Variants in SESN3 observed in about 807,000 individuals in gnomAD.
SESN3 encodes sestrin-3.
A neutral mutation model predicts 55.3 loss-of-function variants in SESN3; 21 were observed. The observed-to-expected ratio is 0.38, with a 90% CI of 0.27 to 0.55. The LOEUF (loss-of-function observed/expected upper bound fraction) is 0.55. Among genes scored for constraint, SESN3 ranks in the 20% least tolerant of loss-of-function variants. The probability of loss-of-function intolerance (pLI) is 0.76; values close to 1 mark genes in which losing one functional copy is unlikely to be tolerated. For missense variants in SESN3, 408 were observed against 604.3 expected (o/e 0.68, Z 3.41); for synonymous variants, 181 against 203.1 (o/e 0.89, Z 0.93).
chr11:95,175,883 A>G (rs569503), intron 8 of SESN3, among the ~76,000 whole-genome samples: 3 of 152,174 alleles, frequency 2.0e-5, no homozygotes, highest in Non-Finnish European at 4.4e-5. Context: ...TGAAGAAAAA[A>G]CGAAGAAAAA....
At chr11:95,200,950 G>A (rs571268289) in intron 1 of SESN3, 11 of 151,886 alleles carry the variant, frequency 7.2e-5, no homozygotes, top group Middle Eastern at 3.2e-3. Context: ...TTTGTAGGGC[G>A]GTCGGTCAGT....
Position 95,191,600 on chromosome 11 carries a change from A to G in SESN3, c.146T>C (p.Val49Ala). ...TTCATCCACTGTGTTTGCTTGGACA[A>G]CCTTATAACCAAAAAAAACAAAACA... ...GPSAFIPEKE[V>A]VQANTVDERT... The change falls in exon 3 of 10, where the codon GTT (valine) becomes GCT (alanine). Residue 49 changes from valine (V) to alanine (A), a missense_variant and splice_region_variant. Val to Ala is a moderately conservative substitution (Grantham distance 64). This residue lies in a region of SESN3 where 107 missense variants were observed against 211.3 expected (regional missense o/e 0.51). Coordinates refer to ENST00000536441, the MANE Select transcript of SESN3 (RefSeq NM_144665.4). 1 of 1,610,258 alleles carries G rather than the reference A, an allele frequency of 6.2e-7. No individual in the cohort carries two copies. The highest frequency in any genetic ancestry group is 8.5e-7 in the Non-Finnish European group (1 of 1,178,132).
At chr11:95,191,287 C>T in intron 3 of SESN3, 117 bp downstream of exon 3, 1 of 810,470 alleles carries the variant, frequency 1.2e-6, no homozygotes, top group East Asian at 2.4e-5. Flanking sequence ...TTCTTCAGTT[C>T]TTATGTCCAT....
chr11:95,209,325 C>T (rs963972582), intron 1 of SESN3, among the ~76,000 whole-genome samples: 4 of 151,458 alleles, frequency 2.6e-5, no homozygotes, highest in Non-Finnish European at 5.9e-5. Context: ...AAAAGCTCAT[C>T]ATCACTGGTC....
intron 4 of SESN3, among the ~76,000 whole-genome samples, chr11:95,187,823 A>G (rs1178085640): frequency 1.3e-5 from 2 of 151,714 alleles, no homozygotes; most frequent in Non-Finnish European, 2.9e-5. Flanking sequence ...TAGTAAGTGG[A>G]CATCACTTTG....
intron 1 of SESN3, among the ~76,000 whole-genome samples, chr11:95,198,359 AAG>A (rs1160012381): frequency 1.3e-5 from 2 of 151,746 alleles, no homozygotes; most frequent in Non-Finnish European, 2.9e-5. Context: ...AAAAAAAAAA[AAG>A]AACCCAAAAC....
intron 1 of SESN3, among the ~76,000 whole-genome samples, chr11:95,225,138 G>C (rs1860925714): frequency 6.6e-6 from 1 of 152,148 alleles, no homozygotes; most frequent in African/African-American, 2.4e-5. Flanking sequence ...ATAACGGTTT[G>C]GTGCCACTAA....
rs1859940161 is a variant in SESN3 at position 95,175,530 on chromosome 11, T to G, written c.1360A>C (p.Ser454Arg). The G allele has an allele frequency of 6.2e-7, 1 of 1,613,898 alleles. No homozygotes were observed. Residue 454 changes from serine to arginine, a missense_variant, in exon 9 of 10, where the codon AGT becomes CGT. Around this residue, in one of 4 missense-constraint regions of SESN3, gnomAD observed 121 missense variants for 204.9 expected, o/e 0.59. Transcript: ENST00000536441. The part of the protein sequence containing the change: ...PERTTKRMYD[S>R]YWRQFKHSEK... Reference sequence around the variant, plus strand: ...GAGTGTTTGAACTGCCGCCAGTAACTATCATACATGCGTTTTGTAGTTCTC... The same window carrying G: ...GAGTGTTTGAACTGCCGCCAGTAACGATCATACATGCGTTTTGTAGTTCTC...
chr11:95,216,801 T>G (rs1051210920), intron 1 of SESN3, among the ~76,000 whole-genome samples: 4 of 151,778 alleles, frequency 2.6e-5, no homozygotes, highest in African/African-American at 9.7e-5. Context: ...TTTAAAAGTT[T>G]AACATCAATT....
At chr11:95,182,466 C>T (rs1860074807) in intron 6 of SESN3, among the ~76,000 whole-genome samples, 1 of 152,126 alleles carries the variant, frequency 6.6e-6, no homozygotes, top group African/African-American at 2.4e-5. Context: ...CCCATCTCTT[C>T]TACCCTTTGT....
chr11:95,202,937 ATGAAAAGAAAC>A (rs1860485350), intron 1 of SESN3, among the ~76,000 whole-genome samples: 1 of 152,132 alleles, frequency 6.6e-6, no homozygotes, highest in African/African-American at 2.4e-5. Flanking sequence ...TCTCAATTAG[ATGAAAAGAAAC>A]TAAAATTGGA....
At position 95,230,090 on chromosome 11, in the gene SESN3, A is replaced by AG. The variant is rs1861024498; in HGVS notation, c.78+692_78+693insC. 6.8e-6 allele frequency: 1 copy of AG among 148,092 alleles called. No individual in the cohort carries two copies. Among genetic ancestry groups the AG allele is most frequent in the African/African-American group, 2.5e-5 (1 of 39,292 alleles). 9.2% of individuals were successfully genotyped at this position (148,092 alleles called of 1,614,324 possible). On this transcript the variant is annotated intron_variant, in intron 1 of 9. Transcript: ENST00000536441. This position sits in a 1 kb window ranked among gnomAD's most constrained non-coding sequence, Gnocchi z 4.6. ...GTGCGCCTCATTTTTCTGGATCAAC[A>AG]CGGGGGCAGGGGGGTGCTAAGGAGG...
intron 2 of SESN3, among the ~76,000 whole-genome samples, chr11:95,192,701 A>G (rs548815133): frequency 5.3e-5 from 8 of 152,260 alleles, no homozygotes; most frequent in African/African-American, 1.9e-4. Context: ...TAATGTTTGA[A>G]AAGTATAAAT....
Position 95,166,026 on chromosome 11 carries a change from C to G in SESN3, c.*7229G>C, listed in dbSNP as rs942962931. 2 of 152,170 alleles carry G rather than the reference C, an allele frequency of 1.3e-5. No homozygotes were observed. The highest frequency in any genetic ancestry group is 4.8e-5 in the African/African-American group (2 of 41,454). The allele number at this position is 152,170 out of a possible 1,614,324, so 9.4% of individuals were successfully genotyped here. ...TAACTACCTTAGACTATATCTACAG[C>G]AGGGTCTGGTTTGCCAGAACAAGTT... On this transcript the variant is annotated 3_prime_UTR_variant, in exon 10 of 10. Coordinates refer to ENST00000536441, the MANE Select transcript of SESN3 (RefSeq NM_144665.4).
At chr11:95,193,900 G>A (rs754481136) in intron 1 of SESN3, among the ~76,000 whole-genome samples, 1 of 151,920 alleles carries the variant, frequency 6.6e-6, no homozygotes, top group Non-Finnish European at 1.5e-5. Flanking sequence ...GGTTAAATTC[G>A]AAGAAGATTA....
chr11:95,184,096 T>C (rs906697028), intron 6 of SESN3: 4 of 367,322 alleles, frequency 1.1e-5, no homozygotes, highest in Non-Finnish European at 1.9e-5. Context: ...ATATTTCACT[T>C]ATCATTTTTA....
intron 1 of SESN3, among the ~76,000 whole-genome samples, chr11:95,210,206 G>A (rs985046953): frequency 6.0e-5 from 9 of 151,128 alleles, no homozygotes; most frequent in South Asian, 2.1e-4. Context: ...ATCATACACC[G>A]GAGCCTGTAG....
At chr11:95,212,552 C>A (rs1860677419) in intron 1 of SESN3, among the ~76,000 whole-genome samples, 1 of 152,016 alleles carries the variant, frequency 6.6e-6, no homozygotes, top group African/African-American at 2.4e-5. Flanking sequence ...GAAATTTATA[C>A]AGTAAGTTTT....
At chr11:95,191,831 T>C (rs561523279) in intron 2 of SESN3, among the ~76,000 whole-genome samples, 15 of 152,220 alleles carry the variant, frequency 9.9e-5, no homozygotes, top group Admixed American at 7.9e-4. Flanking sequence ...TCAAACATTA[T>C]ACACACAGCT....
Sources: allele counts gnomAD v4.1 joint callset (sites outside exome capture counted in the v4.1 genomes callset), GRCh38; gene constraint gnomAD v4.1.1; regional missense constraint gnomAD v4.1.1; non-coding constraint Gnocchi (gnomAD v3.1); transcripts MANE v1.5; gene names NCBI Gene and HGNC (gene_info 2026-07-23, HGNC 2026-07-21).